Variants in PLEKHG5 observed in about 807,000 individuals in gnomAD.
PLEKHG5 encodes pleckstrin homology and RhoGEF domain containing G5.
A neutral mutation model predicts 103.8 loss-of-function variants in PLEKHG5; 52 were observed. The observed-to-expected ratio is 0.50, with a 90% confidence interval of 0.40 to 0.63. The LOEUF is 0.63. PLEKHG5 is among the 30% of genes least tolerant of loss of function. The pLI is 0.00. For synonymous variants in PLEKHG5, 592 were observed against 575.5 expected (o/e 1.03, Z -0.41); for missense variants, 1,205 against 1,347.6 (o/e 0.89, Z 1.66).
At chr1:6,497,344 C>G (rs1299881045), upstream of PLEKHG5, 2 of 1,034,844 alleles carry the variant, frequency 1.9e-6, no homozygotes, top group East Asian at 7.3e-5. This position sits in a 1 kb window ranked among gnomAD's most constrained non-coding sequence, Gnocchi z 6.1. Context: ...CCGTGCCGCG[C>G]GGGGGGCGGG....
chr1:6,471,174 G>A (rs886256213), intron 12 of PLEKHG5, 74 bp from the exon 13 acceptor site: 62 of 1,235,056 alleles, frequency 5.0e-5, no homozygotes, highest in Non-Finnish European at 6.8e-5. Flanking sequence ...CAGGCGCTGC[G>A]CAAGCGCTTC....
upstream of PLEKHG5, among the ~76,000 whole-genome samples, chr1:6,501,687 G>A (rs1355076253): frequency 6.6e-6 from 1 of 152,188 alleles, no homozygotes; most frequent in African/African-American, 2.4e-5. This position sits in a 1 kb window ranked among gnomAD's most constrained non-coding sequence, Gnocchi z 4.3. Flanking sequence ...AGTAATGAGA[G>A]TAACGAGGCT....
In PLEKHG5 at chr1:6,490,551, G is replaced by A. The variant is rs1025578554; in HGVS notation, c.-88+1086C>T. ...GCGGGGAGAGGGGGACGGGAGCCGC[G>A]GGACGGGCTCAGTCGACTCAGCGCA... On this transcript the variant is annotated intron_variant, in intron 1 of 20. Transcript: ENST00000377728. This position sits in a 1 kb window ranked among gnomAD's most constrained non-coding sequence, Gnocchi z 8.0. The A allele has an allele frequency of 7.1e-6, 7 of 985,378 alleles. No individual in the cohort carries two copies. Among genetic ancestry groups the A allele is most frequent in the Non-Finnish European group, 8.4e-6 (7 of 829,998 alleles). The allele number at this position is 985,378 out of a possible 1,614,324, so 61.0% of individuals were successfully genotyped here.
intron 1 of PLEKHG5, among the ~76,000 whole-genome samples, chr1:6,517,283 G>A (rs867410316): frequency 2.7e-5 from 4 of 148,594 alleles, no homozygotes; most frequent in African/African-American, 1.0e-4. Context: ...CTCCAGCCTG[G>A]GTGACAGAGT....
intron 1 of PLEKHG5, among the ~76,000 whole-genome samples, chr1:6,516,922 A>ACACACCCACC (rs1553180763): frequency 1.4e-5 from 2 of 140,910 alleles, no homozygotes; most frequent in African/African-American, 5.4e-5. Context: ...ACACACACAC[A>ACACACCCACC]CACATGTACA....
intron 1 of PLEKHG5, among the ~76,000 whole-genome samples, chr1:6,503,985 C>T (rs1172186302): frequency 6.6e-6 from 1 of 152,244 alleles, no homozygotes; most frequent in Non-Finnish European, 1.5e-5. Flanking sequence ...AGACGGCGAG[C>T]AGCCCCACTT....
intron 1 of PLEKHG5, among the ~76,000 whole-genome samples, chr1:6,510,109 C>T (rs1638434247): frequency 6.6e-6 from 1 of 152,210 alleles, no homozygotes; most frequent in Non-Finnish European, 1.5e-5. Flanking sequence ...AGCTACCCGG[C>T]TCTCATGAGA....
intron 1 of PLEKHG5, among the ~76,000 whole-genome samples, chr1:6,488,509 C>A (rs1349157976): frequency 2.6e-5 from 4 of 152,242 alleles, no homozygotes; most frequent in African/African-American, 9.6e-5. Context: ...ACCACCAGGG[C>A]TGGGTCAGGG....
At chr1:6,479,062 G>T (rs138152828) in intron 1 of PLEKHG5, among the ~76,000 whole-genome samples, 1 of 151,854 alleles carries the variant, frequency 6.6e-6, no homozygotes, top group African/African-American at 2.4e-5. Context: ...TTCTCTTCTC[G>T]GCACCCCCCT....
chr1:6,480,528 C>CA (rs58083180), intron 1 of PLEKHG5, among the ~76,000 whole-genome samples: 65 of 133,152 alleles, frequency 4.9e-4, no homozygotes, highest in East Asian at 1.3e-3. Flanking sequence ...ACTTTGTCTC[C>CA]AAAAAAAAAA....
rs936501984 is a variant in PLEKHG5, at chr1:6,469,342, T to C, written c.2042A>G (p.Asn681Ser). 3 of 1,613,766 alleles carry C rather than the reference T, an allele frequency of 1.9e-6. No homozygotes were observed. The highest frequency in any genetic ancestry group is 2.7e-5 in the African/African-American group (2 of 74,906). ...LCRGWVDTIYNAQNQLQQLRA... is the reference protein window; with the variant it reads ...LCRGWVDTIYSAQNQLQQLRA... ...TCACTACTCTGCACTCACCTGGGCA[T>C]TGTAAATGGTGTCCACCCAGCCACG... is the stretch of plus-strand genomic sequence containing the variant. The change falls in exon 18 of 21, where the codon AAT becomes AGT. Residue 681 changes from asparagine to serine, a missense_variant. Transcript: ENST00000377728.
At chr1:6,511,342 G>A (rs1383392408) in intron 1 of PLEKHG5, among the ~76,000 whole-genome samples, 1 of 152,172 alleles carries the variant, frequency 6.6e-6, no homozygotes, top group Non-Finnish European at 1.5e-5. Context: ...AAGAGGACAG[G>A]CACCACCAAC....
At chr1:6,470,128 G>C (rs1372083548) in intron 16 of PLEKHG5, 108 bp downstream of exon 16, 1 of 1,246,934 alleles carries the variant, frequency 8.0e-7, no homozygotes, top group Non-Finnish European at 1.1e-6. Flanking sequence ...CAAGGTCACT[G>C]GTTCTTGAGT....
intron 14 of PLEKHG5, 27 bp from the exon 15 acceptor site, chr1:6,470,670 T>A (rs1290857457): frequency 6.4e-7 from 1 of 1,557,282 alleles, no homozygotes; most frequent in South Asian, 1.2e-5. Context: ...GAGCTTCAGG[T>A]CCAGGGTCAT....
chr1:6,485,391 G>A (rs1180053785), intron 1 of PLEKHG5: 9 of 1,392,594 alleles, frequency 6.5e-6, no homozygotes, highest in Non-Finnish European at 8.3e-6. Context: ...GGGCAGCCCC[G>A]GGCCCGGCCT....
chr1:6,473,059 T>A lies in PLEKHG5; in HGVS notation c.911A>T (p.Asp304Val). 1 of 1,613,934 alleles carries A rather than the reference T, an allele frequency of 6.2e-7. No homozygotes were observed. Among genetic ancestry groups the A allele is most frequent in the Non-Finnish European group, 8.5e-7 (1 of 1,179,892 alleles). ...GGCATTGTCCTCATCCTCGTCTTCATCGTACTCCTCCTCCCAGGAGTCATG... is the reference window on the plus strand; with the variant it reads ...GGCATTGTCCTCATCCTCGTCTTCAACGTACTCCTCCTCCCAGGAGTCATG... Reference protein sequence around the residue: ...FDHDSWEEEYDEDEDEDNACL... With the variant: ...FDHDSWEEEYVEDEDEDNACL... The change falls in exon 9 of 21, where the codon GAT (aspartate) becomes GTT (valine). Residue 304 changes from aspartate (D) to valine (V), a missense_variant. Coordinates refer to ENST00000377728, the MANE Select transcript of PLEKHG5 (RefSeq NM_020631.6).
intron 3 of PLEKHG5, 118 bp downstream of exon 3, chr1:6,475,812 AG>A (rs920392732): frequency 1.3e-5 from 12 of 904,846 alleles, no homozygotes; most frequent in Non-Finnish European, 2.2e-5. Flanking sequence ...GCGTGGGAAG[AG>A]GTCTGCCCAT....
chr1:6,504,074 G>A (rs1339591333), intron 1 of PLEKHG5, among the ~76,000 whole-genome samples: 2 of 152,218 alleles, frequency 1.3e-5, no homozygotes, highest in Non-Finnish European at 2.9e-5. Flanking sequence ...TGGCCCTGCT[G>A]GCTTGGGGCT....
chr1:6,519,731 T>G (rs1638721753), exon 1 of PLEKHG5: 1 of 615,902 alleles, frequency 1.6e-6, no homozygotes, highest in East Asian at 2.7e-5. Flanking sequence ...TTGCTCCCCG[T>G]CCAACACAGG....
Sources: allele counts gnomAD v4.1 joint callset (sites outside exome capture counted in the v4.1 genomes callset), GRCh38; gene constraint gnomAD v4.1.1; non-coding constraint Gnocchi (gnomAD v3.1); transcripts MANE v1.5; gene names NCBI Gene and HGNC (gene_info 2026-07-23, HGNC 2026-07-21).